Variants in KCNA6 observed in about 807,000 individuals in gnomAD.
KCNA6 encodes human brain potassium channel-2.
A neutral mutation model predicts 29.5 loss-of-function variants in KCNA6; 17 were observed. The observed-to-expected ratio is 0.58, with a 90% CI of 0.39 to 0.86. The LOEUF is 0.86. KCNA6 is among the 40% of genes least tolerant of loss of function. The pLI, the probability that KCNA6 is intolerant of heterozygous loss-of-function variation, is 0.00. For missense variants in KCNA6, 450 were observed against 703.4 expected (o/e 0.64, Z 4.07); for synonymous variants, 296 against 304.7 (o/e 0.97, Z 0.30).
the KCNA6 span, among the ~76,000 whole-genome samples, chr12:4,820,822 CAA>C: frequency 6.6e-6 from 1 of 152,070 alleles, no homozygotes; most frequent in Non-Finnish European, 1.5e-5. Flanking sequence ...TAGCACTGGA[CAA>C]AGAGAGGCTC....
chr12:4,845,067 A>T, the KCNA6 span, among the ~76,000 whole-genome samples: 3 of 151,424 alleles, frequency 2.0e-5, no homozygotes, highest in Non-Finnish European at 2.9e-5. Context: ...TCCCTCCCCC[A>T]CTGTCTTGCC....
the KCNA6 span, among the ~76,000 whole-genome samples, chr12:4,845,765 A>G: frequency 6.6e-6 from 1 of 152,190 alleles, no homozygotes. Context: ...TTAAATTAAA[A>G]TATTAGTCTA....
the KCNA6 span, among the ~76,000 whole-genome samples, chr12:4,821,296 T>A: frequency 6.6e-6 from 1 of 152,116 alleles, no homozygotes; most frequent in East Asian, 1.9e-4. Flanking sequence ...AATAGCTGTG[T>A]TCCCTGCAGA....
chr12:4,837,089 G>A, the KCNA6 span, among the ~76,000 whole-genome samples: 1 of 152,174 alleles, frequency 6.6e-6, no homozygotes, highest in African/African-American at 2.4e-5. Flanking sequence ...CAAGGGGTGA[G>A]GGGCTGAAGG....
the KCNA6 span, among the ~76,000 whole-genome samples, chr12:4,837,837 T>C: frequency 6.6e-6 from 1 of 151,324 alleles, no homozygotes; most frequent in Non-Finnish European, 1.5e-5. Flanking sequence ...GCTTTTATGG[T>C]AACCCAAGCA....
the KCNA6 span, among the ~76,000 whole-genome samples, chr12:4,825,936 A>C: frequency 6.6e-6 from 1 of 152,228 alleles, no homozygotes; most frequent in Non-Finnish European, 1.5e-5. Context: ...TTTTACGATC[A>C]CTTTTCTAAC....
downstream of KCNA6, chr12:4,814,015 A>T (rs1413382457): frequency 2.4e-5 from 4 of 167,172 alleles, no homozygotes; most frequent in East Asian, 7.7e-4. This position sits in a 1 kb window ranked among gnomAD's most constrained non-coding sequence, Gnocchi z 4.6. Flanking sequence ...CCAGGGGACT[A>T]CATCTTCCCA....
downstream of KCNA6, among the ~76,000 whole-genome samples, chr12:4,817,017 A>T (rs1946688754): frequency 6.6e-6 from 1 of 152,204 alleles, no homozygotes. Flanking sequence ...CCTGCAACTC[A>T]ACATACATTC....
the KCNA6 span, among the ~76,000 whole-genome samples, chr12:4,821,418 ATGTGTGTGTGTGTGTGTGTGTGTG>A: frequency 1.4e-5 from 2 of 143,420 alleles, no homozygotes; most frequent in African/African-American, 2.6e-5. Context: ...ACTCACTTGG[ATGTGTGTGTGTGTGTGTGTGTGTG>A]TGTGTGTGTG....
chr12:4,819,590 AC>A, the KCNA6 span, among the ~76,000 whole-genome samples: 11 of 152,106 alleles, frequency 7.2e-5, no homozygotes, highest in Middle Eastern at 3.4e-3. Context: ...CCTGGCCTTC[AC>A]TCCACCTAAA....
chr12:4,819,735 C>T, the KCNA6 span, among the ~76,000 whole-genome samples: 1 of 152,230 alleles, frequency 6.6e-6, no homozygotes, highest in Non-Finnish European at 1.5e-5. Context: ...TGGCTGCCCT[C>T]ATGGTTGAGG....
downstream of KCNA6, chr12:4,814,643 A>C (rs1946664633): frequency 6.0e-6 from 1 of 167,146 alleles, no homozygotes; most frequent in South Asian, 2.1e-4. This position sits in a 1 kb window ranked among gnomAD's most constrained non-coding sequence, Gnocchi z 4.6. Context: ...ATTCACAGGA[A>C]GGGTCCAAGC....
At chr12:4,809,735 G>T (rs1045589597) in exon 1 of KCNA6, 3 of 311,270 alleles carry the variant, frequency 9.6e-6, no homozygotes, top group Non-Finnish European at 1.8e-5. Context: ...GCGTCTTTTC[G>T]GGCAGCCAAT....
the KCNA6 span, among the ~76,000 whole-genome samples, chr12:4,821,194 G>A: frequency 0.6 from 91,580 of 152,060 alleles, 27,675 homozygotes; most frequent in Middle Eastern, 0.66. Context: ...AAGGCCTGGT[G>A]GTTGAGCCAT....
chr12:4,823,409 A>G, the KCNA6 span, among the ~76,000 whole-genome samples: 1 of 89,260 alleles, frequency 1.1e-5, no homozygotes, highest in East Asian at 3.2e-4. Flanking sequence ...CTTGAAAGGA[A>G]AAAAAGCTTT....
At position 4,810,500 on chromosome 12, in the gene KCNA6, C is replaced by T. The variant is rs918241564; in HGVS notation, c.459C>T (p.Ser153=). 1.2e-6 allele frequency: 2 copies of T among 1,614,198 alleles called. No homozygotes were observed. Among genetic ancestry groups the T allele is most frequent in the African/African-American group, 2.7e-5 (2 of 75,058 alleles). ...GCGAGGACGAGAAGCCGCTGCCCTC[C>T]CAGCCCTTCCAGCGCCAGGTGTGGC... Residue 153 remains serine, a synonymous_variant, in exon 1 of 1, where the codon TCC becomes TCT. Transcript: ENST00000280684. The surrounding 1 kb of genome is among the most constrained non-coding windows in gnomAD (Gnocchi z 7.5).
At chr12:4,820,415 T>C in the KCNA6 span, among the ~76,000 whole-genome samples, 8 of 151,912 alleles carry the variant, frequency 5.3e-5, no homozygotes, top group Non-Finnish European at 8.8e-5. Context: ...AGGAGACTGA[T>C]GCAGAGAAGT....
At chr12:4,835,934 G>GTTTTTTTTT in the KCNA6 span, among the ~76,000 whole-genome samples, 11 of 137,216 alleles carry the variant, frequency 8.0e-5, no homozygotes, top group African/African-American at 2.7e-4. Context: ...AAAAGTCGCT[G>GTTTTTTTTT]TTTTTTTTTT....
chr12:4,809,972 C>A (rs1237701047), exon 1 of KCNA6: 7 of 1,470,210 alleles, frequency 4.8e-6, no homozygotes, highest in Non-Finnish European at 6.3e-6. Flanking sequence ...AGCTGGGGAG[C>A]GGGTGCCGCG....
Sources: allele counts gnomAD v4.1 joint callset (sites outside exome capture counted in the v4.1 genomes callset), GRCh38; gene constraint gnomAD v4.1.1; non-coding constraint Gnocchi (gnomAD v3.1); transcripts MANE v1.5; gene names NCBI Gene and HGNC (gene_info 2026-07-23, HGNC 2026-07-21).